TRRAP: variants seen among roughly 807,000 people sequenced by gnomAD.
TRRAP encodes transformation/transcription domain-associated protein.
A neutral mutation model predicts 438.8 loss-of-function variants in TRRAP; 41 were observed. That is an observed-to-expected ratio of 0.09 (90% confidence interval 0.07 to 0.12). The LOEUF (loss-of-function observed/expected upper bound fraction) is 0.12, where lower values mean the gene tolerates loss of function less well. Among genes scored for constraint, TRRAP ranks in the 10% least tolerant of loss-of-function variants. The pLI, the probability that TRRAP is intolerant of heterozygous loss-of-function variation, is 1.00. For missense variants in TRRAP, 3,122 were observed against 5,055.1 expected, an observed-to-expected ratio of 0.62 and a Z score of 11.60; for synonymous variants, 1,994 against 1,962.9, an observed-to-expected ratio of 1.02 and a Z score of -0.42.
chr7:98,985,073 GA>G, intron 62 of TRRAP, 29 bp downstream of exon 62: 3 of 1,438,460 alleles, frequency 2.1e-6, no homozygotes, highest in South Asian at 1.2e-5. Flanking sequence ...AAGGATAAGA[GA>G]AAAAATGCAT....
chr7:98,948,480 CAGTA>C lies in TRRAP; in HGVS notation c.4669-84_4669-81del. 1.2e-6 allele frequency: 2 copies of C among 1,611,872 alleles called. No homozygotes were observed. Among genetic ancestry groups the C allele is most frequent in the Non-Finnish European group, 1.7e-6 (2 of 1,179,162 alleles). ...TTTGCTTGTGGGTGTTCATGCACTC[CAGTA>C]ACAAGGGACCTTGTTAGGTAGACAG... On this transcript the variant is annotated intron_variant, in intron 34 of 72. Coordinates refer to ENST00000456197, the MANE Select transcript of TRRAP (RefSeq NM_001375524.1). The surrounding 1 kb of genome is among the most constrained non-coding windows in gnomAD (Gnocchi z 4.9).
rs772882224 is a variant in TRRAP, at chr7:99,011,207, C to T, written c.11094C>T (p.Phe3698=). The change falls in exon 71 of 73, where the codon TTC becomes TTT. Residue 3698 remains phenylalanine, a synonymous_variant. Coordinates refer to ENST00000456197, the MANE Select transcript of TRRAP (RefSeq NM_001375524.1). The surrounding 1 kb of genome is among the most constrained non-coding windows in gnomAD (Gnocchi z 7.1). ...TGGCTCTGATAGGCTTCGCGGAATT[C>T]GTCCTGCATTTAAATAGACTCAACC... ...IQLALIGFAE[F]VLHLNRLNPE... 1.2e-5 allele frequency: 19 copies of T among 1,614,190 alleles called. No homozygotes were observed. Among genetic ancestry groups the T allele is most frequent in the East Asian group, 8.9e-5 (4 of 44,874 alleles).
intron 70 of TRRAP, among the ~76,000 whole-genome samples, chr7:99,010,361 A>G (rs1373052482): frequency 6.6e-6 from 1 of 152,206 alleles, no homozygotes; most frequent in Non-Finnish European, 1.5e-5. Flanking sequence ...GCTTCTTCCC[A>G]TTTGACGGAT....
chr7:98,988,494 A>G (rs1027459585), intron 62 of TRRAP, among the ~76,000 whole-genome samples: 9 of 152,192 alleles, frequency 5.9e-5, no homozygotes, highest in African/African-American at 2.2e-4. Context: ...TGCTAGGTGA[A>G]AGAAGCCAGA....
chr7:98,946,080 C>G lies in TRRAP; in HGVS notation c.4548+130C>G. The G allele has an allele frequency of 6.5e-6, 6 of 922,922 alleles. No homozygotes were observed. The South Asian group carries it at 9.0e-5, about 14-fold the overall frequency. 57.2% of individuals were successfully genotyped at this position (922,922 alleles called of 1,614,324 possible). On this transcript the variant is annotated intron_variant, in intron 33 of 72. Transcript: ENST00000456197. ...CCTTGAGTGCAGTGACCTGTATTGT[C>G]TGTCTGTGGCAGAGTTGTATCAGTA...
chr7:99,003,068 G>A (rs985102615), intron 67 of TRRAP, among the ~76,000 whole-genome samples: 2 of 152,144 alleles, frequency 1.3e-5, no homozygotes, highest in African/African-American at 2.4e-5. Flanking sequence ...GGCTCAGGAC[G>A]CCAGCCCTGG....
At chr7:98,894,248 G>T (rs542660945) in intron 6 of TRRAP, among the ~76,000 whole-genome samples, 2 of 152,218 alleles carry the variant, frequency 1.3e-5, no homozygotes, top group Admixed American at 6.5e-5. Context: ...GTGTGACATT[G>T]GTTAAGTTTG....
rs782612550 is a variant in TRRAP, at chr7:98,916,024, C to T, written c.2365+136C>T. ...GTGGGATGGGATGTGGCACATCCGC[C>T]GCCCCCCTGCCCCCCTCCCCTGGCC... On this transcript the variant is annotated intron_variant, in intron 19 of 72. Transcript: ENST00000456197. 302 of 1,196,638 alleles carry T rather than the reference C, an allele frequency of 2.5e-4. 1 individual carries two copies. The highest frequency in any genetic ancestry group is 3.3e-4 in the Non-Finnish European group (284 of 868,170). The allele number at this position is 1,196,638 out of a possible 1,614,324, so 74.1% of individuals were successfully genotyped here.
In TRRAP at chr7:98,956,262, A is replaced by T. The variant is rs1554419746; in HGVS notation, c.6054A>T (p.Glu2018Asp). 6.2e-7 allele frequency: 1 copy of T among 1,614,206 alleles called. No homozygotes were observed. Among genetic ancestry groups the T allele is most frequent in the Non-Finnish European group, 8.5e-7 (1 of 1,180,036 alleles). ...GGCGGCTGGCCGTGGACCTGTCTGA[A>T]GTCGTCATCAAGTGGGAGCTGCAGA... Reference protein sequence around the residue: ...EQRRLAVDLSEVVIKWELQRI... With the variant: ...EQRRLAVDLSDVVIKWELQRI... Residue 2018 changes from glutamate (E) to aspartate (D), a missense_variant, in exon 42 of 73, where the codon GAA becomes GAT. Around this residue, in one of 24 missense-constraint regions of TRRAP, gnomAD observed 992 missense variants for 1,281.2 expected, o/e 0.77. Transcript: ENST00000456197. This position sits in a 1 kb window ranked among gnomAD's most constrained non-coding sequence, Gnocchi z 4.5.
chr7:98,933,408 G>A lies in TRRAP; in HGVS notation c.4014+6G>A, dbSNP rs1378658965. 4 of 1,612,102 alleles carry A rather than the reference G, an allele frequency of 2.5e-6. No homozygotes were observed. The highest frequency in any genetic ancestry group is 3.4e-6 in the Non-Finnish European group (4 of 1,179,302). On this transcript the variant is annotated splice_donor_region_variant and intron_variant, in intron 27 of 72. Coordinates refer to ENST00000456197, the MANE Select transcript of TRRAP (RefSeq NM_001375524.1). ...ATAAGGTGTTCTACACAGAGGTAGG[G>A]GGGTGGTGGTGCGGAGTGGTGTGGA... is the stretch of plus-strand genomic sequence containing the variant.
rs201694414 is a variant in TRRAP, at chr7:98,948,268, G to A, written c.4596G>A (p.Pro1532=). 1,319 of 1,614,106 alleles carry A rather than the reference G, an allele frequency of 8.2e-4. 24 individuals are homozygous for A. The South Asian group carries it at 0.013, about 16-fold the overall frequency. Residue 1532 remains proline (P), a synonymous_variant, in exon 34 of 73, where the codon CCG becomes CCA. Coordinates refer to ENST00000456197, the MANE Select transcript of TRRAP (RefSeq NM_001375524.1). The surrounding 1 kb of genome is among the most constrained non-coding windows in gnomAD (Gnocchi z 4.9). ...SAIINLFHLI[P]AAPQTLVKPL... ...TTATAAACCTTTTTCATCTGATCCC[G>A]GCTGCTCCTCAGACACTGGTGAAGC...
chr7:98,959,494 AGTGC>A lies in TRRAP; in HGVS notation c.6489+6_6489+9del, dbSNP rs1791783015. 4 of 1,612,658 alleles carry A rather than the reference AGTGC, an allele frequency of 2.5e-6. No homozygotes were observed. Among genetic ancestry groups the A allele is most frequent in the Non-Finnish European group, 3.4e-6 (4 of 1,179,482 alleles). ...CGACAAGCTGCTGATGACTGTGGTG[AGTGC>A]GAGTGTCTGAAGGGCCAGGGCAGCG... On this transcript the variant is annotated splice_donor_5th_base_variant and intron_variant, in intron 45 of 72. Coordinates refer to ENST00000456197, the MANE Select transcript of TRRAP (RefSeq NM_001375524.1).
At chr7:98,953,517 T>C in intron 40 of TRRAP, 84 bp downstream of exon 40, 2 of 1,547,950 alleles carry the variant, frequency 1.3e-6, no homozygotes, top group Non-Finnish European at 1.7e-6. Flanking sequence ...TCTCAGCCTC[T>C]CCTGTTGTCT....
In TRRAP at chr7:98,881,240, T is replaced by C; in HGVS notation, c.90T>C (p.Asp30=). The C allele has an allele frequency of 6.2e-7, 1 of 1,609,580 alleles. No homozygotes were observed. Residue 30 remains aspartate (D), a synonymous_variant, in exon 2 of 73, where the codon GAT becomes GAC. Coordinates refer to ENST00000456197, the MANE Select transcript of TRRAP (RefSeq NM_001375524.1). The part of the protein sequence containing the change: ...KYLQFVAALT[D]VNTPDETKLK... The stretch of plus-strand genomic sequence containing the variant: ...TTCAGTTTGTGGCAGCTCTCACAGA[T>C]GTGAATACACGTGAGTTGATCCTTT...
chr7:98,941,577 G>C (rs1421521809), intron 30 of TRRAP, among the ~76,000 whole-genome samples: 1 of 152,148 alleles, frequency 6.6e-6, no homozygotes, highest in East Asian at 1.9e-4. Flanking sequence ...GATGTGGCTG[G>C]CTGTTGTCTA....
In TRRAP at chr7:98,929,661, G is replaced by C. The variant is rs139557496; in HGVS notation, c.3176-328G>C. 7.3e-3 allele frequency among the ~76,000 whole-genome samples: 1,113 copies of C among 151,690 alleles called. 12 individuals are homozygous for C. The highest frequency in any genetic ancestry group is 0.013 in the Non-Finnish European group (893 of 67,906). Reference sequence around the variant, plus strand: ...TCTGGCGGCCAGGCTGGAGTGCAGTGGTGTGATCTGCAACCTCCGTCTCCT... The same window carrying C: ...TCTGGCGGCCAGGCTGGAGTGCAGTCGTGTGATCTGCAACCTCCGTCTCCT... On this transcript the variant is annotated intron_variant, in intron 23 of 72. Transcript: ENST00000456197.
Position 99,005,763 on chromosome 7 carries a change from G to T in TRRAP, c.10753+415G>T, listed in dbSNP as rs1013207081. On this transcript the variant is annotated intron_variant, in intron 69 of 72. Transcript: ENST00000456197. This position sits in a 1 kb window ranked among gnomAD's most constrained non-coding sequence, Gnocchi z 5.1. The stretch of plus-strand genomic sequence containing the variant: ...GGCCTGAGACAATTCTTCCAATGTG[G>T]CCCAGGGAAGCCAAAAGATTGGACA... 6.6e-6 allele frequency among the ~76,000 whole-genome samples: 1 copy of T among 151,852 alleles called. No homozygotes were observed. Among genetic ancestry groups the T allele is most frequent in the Non-Finnish European group, 1.5e-5 (1 of 67,978 alleles).
At chr7:98,973,787 C>A (rs147370046) in intron 53 of TRRAP, among the ~76,000 whole-genome samples, 18 of 152,308 alleles carry the variant, frequency 1.2e-4, no homozygotes, top group African/African-American at 4.3e-4. Context: ...GAACTCAGTG[C>A]CCAGCACAGG....
intron 17 of TRRAP, 95 bp from the exon 18 acceptor site, chr7:98,911,927 G>A (rs4593455): frequency 1.8e-6 from 2 of 1,136,450 alleles, no homozygotes; most frequent in Non-Finnish European, 1.3e-6. Flanking sequence ...GTGTGATACA[G>A]GCTTGGTTTT....
Sources: allele counts gnomAD v4.1 joint callset (sites outside exome capture counted in the v4.1 genomes callset), GRCh38; gene constraint gnomAD v4.1.1; regional missense constraint gnomAD v4.1.1; non-coding constraint Gnocchi (gnomAD v3.1); transcripts MANE v1.5; gene names NCBI Gene and HGNC (gene_info 2026-07-23, HGNC 2026-07-21).